The following USP33 variants were observed in gnomAD, a reference collection of about 807,000 sequenced individuals.
USP33 encodes the protein ubiquitin carboxyl-terminal hydrolase 33.
Under a neutral mutation model 124.2 loss-of-function variants are expected in USP33, and 46 were observed. The ratio of observed to expected loss-of-function variants is 0.37; its 90% CI spans 0.29 to 0.47. The LOEUF (loss-of-function observed/expected upper bound fraction) is 0.47. USP33 is among the 20% of genes least tolerant of loss of function. USP33 has a pLI of 0.99. For synonymous variants in USP33, 350 were observed against 352.3 expected, an observed-to-expected ratio of 0.99 and a Z score of 0.07; for missense variants, 851 against 1,070.6, an observed-to-expected ratio of 0.79 and a Z score of 2.86.
intron 7 of USP33, among the ~76,000 whole-genome samples, chr1:77,733,615 CA>C (rs1011779853): frequency 2.6e-5 from 4 of 151,990 alleles, no homozygotes; most frequent in African/African-American, 9.7e-5. Context: ...CTCCAAAATC[CA>C]AAACTTTTTG....
intron 12 of USP33, 180 bp from the exon 13 acceptor site, chr1:77,722,376 C>CA: frequency 3.4e-6 from 2 of 590,020 alleles, no homozygotes; most frequent in African/African-American, 1.9e-5. Flanking sequence ...AAAACAAAAA[C>CA]AAAAAACAAA....
At chr1:77,711,633 T>A in intron 21 of USP33, 114 bp downstream of exon 21, 1 of 1,503,234 alleles carries the variant, frequency 6.7e-7, no homozygotes, top group Non-Finnish European at 8.9e-7. Flanking sequence ...CCTAGAACAC[T>A]TGAAATCTAT....
chr1:77,743,717 C>T (rs1256856256), intron 1 of USP33, among the ~76,000 whole-genome samples: 1 of 152,172 alleles, frequency 6.6e-6, no homozygotes, highest in Non-Finnish European at 1.5e-5. Context: ...TGTTGGTATT[C>T]TCATCAGCCA....
intron 1 of USP33, among the ~76,000 whole-genome samples, chr1:77,742,491 C>T (rs1679237257): frequency 6.6e-6 from 1 of 152,120 alleles, no homozygotes; most frequent in African/African-American, 2.4e-5. Context: ...TTTGAGAACC[C>T]CATTTTCATG....
At chr1:77,701,798 T>TA (rs1245523427) in intron 21 of USP33, 1 of 184,564 alleles carries the variant, frequency 5.4e-6, no homozygotes, top group Non-Finnish European at 1.1e-5. Flanking sequence ...GCCTCCCGGG[T>TA]AGCTAGGATT....
chr1:77,704,353 A>G (rs551369393), intron 21 of USP33, among the ~76,000 whole-genome samples: 52 of 152,344 alleles, frequency 3.4e-4, no homozygotes, highest in African/African-American at 1.0e-3. Context: ...CTAAAATGTC[A>G]TATCAGACTG....
At chr1:77,698,791 C>T (rs1169065382) in intron 22 of USP33, among the ~76,000 whole-genome samples, 4 of 152,128 alleles carry the variant, frequency 2.6e-5, no homozygotes, top group South Asian at 2.1e-4. Context: ...TGAGCCACCA[C>T]GCCCGGCCCA....
At chr1:77,728,826 T>A in intron 9 of USP33, 114 bp from the exon 10 acceptor site, 1 of 1,129,084 alleles carries the variant, frequency 8.9e-7, no homozygotes, top group Admixed American at 2.7e-5. Flanking sequence ...AGCACTATAT[T>A]GAGCAAATAC....
At chr1:77,718,926 CAAAAAAAAAA>C (rs1049500513) in intron 15 of USP33, among the ~76,000 whole-genome samples, 39 of 52,530 alleles carry the variant, frequency 7.4e-4, no homozygotes, top group African/African-American at 2.6e-3. Flanking sequence ...GACCCTGCCT[CAAAAAAAAAA>C]AAAAAAAAAG....
In USP33 at chr1:77,729,982, A is replaced by T. The variant is rs1390323432; in HGVS notation, c.639-44T>A. ...TTAAAGAGCAATTTTTGTTATTTTT[A>T]ATTTTCATTTTAAAAATTAACTACC... On this transcript the variant is annotated intron_variant, in intron 8 of 23. Transcript: ENST00000370794. 19 of 1,519,852 alleles carry T rather than the reference A, an allele frequency of 1.3e-5. No individual in the cohort carries two copies. In the Middle Eastern group the frequency reaches 5.4e-4, roughly 43 times the overall value. The allele number at this position is 1,519,852 out of a possible 1,614,324, so 94.1% of individuals were successfully genotyped here.
At chr1:77,724,290 C>A (rs1482242196) in intron 11 of USP33, among the ~76,000 whole-genome samples, 1 of 151,960 alleles carries the variant, frequency 6.6e-6, no homozygotes, top group Non-Finnish European at 1.5e-5. Flanking sequence ...TTTAAGAGTT[C>A]TTTATATATT....
chr1:77,745,607 A>G (rs1328435263), intron 1 of USP33: 1 of 151,852 alleles, frequency 6.6e-6, no homozygotes, highest in Non-Finnish European at 1.5e-5. Flanking sequence ...GCTCTTGTAA[A>G]CAAAATTGAC....
Position 77,759,834 on chromosome 1 carries a change from G to A in USP33, c.-243C>T, listed in dbSNP as rs867472941. The A allele has an allele frequency of 6.3e-5, 25 of 396,532 alleles. No individual in the cohort carries two copies. In the Middle Eastern group the frequency reaches 4.4e-3, roughly 70 times the overall value. The allele number at this position is 396,532 out of a possible 1,614,324, so 24.6% of individuals were successfully genotyped here. ...ACTGGCCACTTCCCGCAGCAGCCGC[G>A]GCTCCTTCCGGTGTCTCCGGGGCCG... On this transcript the variant is annotated 5_prime_UTR_variant, in exon 1 of 24. Coordinates refer to ENST00000370794, the MANE Select transcript of USP33 (RefSeq NM_201624.3).
At chr1:77,715,486 T>C (rs946139502) in intron 18 of USP33, among the ~76,000 whole-genome samples, 7 of 152,262 alleles carry the variant, frequency 4.6e-5, no homozygotes, top group Non-Finnish European at 1.0e-4. Flanking sequence ...ATTACAGGCC[T>C]GAGCCACTGT....
At chr1:77,741,491 A>G in intron 2 of USP33, 62 bp from the exon 3 acceptor site, 1 of 1,549,048 alleles carries the variant, frequency 6.5e-7, no homozygotes, top group Non-Finnish European at 8.8e-7. Flanking sequence ...ACAATTCACT[A>G]ATGCACTAAT....
In USP33 at chr1:77,713,228, G is replaced by A; in HGVS notation, c.2269C>T (p.Gln757Ter). Reference protein sequence around the residue: ...YIEDLVLMLPQNIWDNLYSRY... With the variant: ...YIEDLVLMLP ...CTATATAGGTTATCCCAAATGTTCTGAGGCAGCATCAAAACCAGGTCTTCA... is the reference window on the plus strand; with the variant it reads ...CTATATAGGTTATCCCAAATGTTCTAAGGCAGCATCAAAACCAGGTCTTCA... Residue 757 changes from glutamine to a stop codon, truncating the protein, a stop_gained, in exon 20 of 24, where the codon CAG becomes TAG. Transcript: ENST00000370794. LOFTEE classifies it high-confidence loss of function. 1 of 1,586,590 alleles carries A rather than the reference G, an allele frequency of 6.3e-7. No homozygotes were observed. Among genetic ancestry groups the A allele is most frequent in the Non-Finnish European group, 8.5e-7 (1 of 1,172,184 alleles).
At chr1:77,730,538 A>T (rs1183183950) in intron 8 of USP33, 80 bp downstream of exon 8, 3 of 1,090,138 alleles carry the variant, frequency 2.8e-6, no homozygotes, top group Non-Finnish European at 3.7e-6. Flanking sequence ...CCGGCTCCAT[A>T]AATGGACCTG....
At chr1:77,758,597 T>C (rs1422020659) in intron 1 of USP33, among the ~76,000 whole-genome samples, 1 of 152,202 alleles carries the variant, frequency 6.6e-6, no homozygotes, top group Non-Finnish European at 1.5e-5. Flanking sequence ...TTCTCTCTTA[T>C]TTATAATAGT....
chr1:77,740,391 T>C (rs918336918), intron 4 of USP33, among the ~76,000 whole-genome samples: 2 of 151,918 alleles, frequency 1.3e-5, no homozygotes, highest in African/African-American at 2.4e-5. Flanking sequence ...TTCGCTCTTG[T>C]TGCCCAGGCT....
Sources: allele counts gnomAD v4.1 joint callset (sites outside exome capture counted in the v4.1 genomes callset), GRCh38; gene constraint gnomAD v4.1.1; transcripts MANE v1.5; gene names NCBI Gene and HGNC (gene_info 2026-07-23, HGNC 2026-07-21).